The following JKAMP variants were observed in gnomAD, a reference collection of about 807,000 sequenced individuals.
The protein encoded by JKAMP is JNK1/MAPK8-associated membrane protein.
JKAMP carries 20 observed loss-of-function variants against 40.2 expected under a neutral mutation model. That is an observed-to-expected ratio of 0.50 (90% confidence interval 0.35 to 0.72). The LOEUF (loss-of-function observed/expected upper bound fraction) is 0.72, where lower values mean the gene tolerates loss of function less well. Ranked by LOEUF, JKAMP falls within the 30% of genes least tolerant of loss-of-function variation. JKAMP has a pLI of 0.01. For missense variants in JKAMP, 276 were observed against 373.0 expected (o/e 0.74, Z 2.14); for synonymous variants, 138 against 131.6 (o/e 1.05, Z -0.33).
intron 4 of JKAMP, among the ~76,000 whole-genome samples, chr14:59,498,484 A>T (rs12432401): frequency 0.14 from 21,210 of 152,166 alleles, 1,709 homozygotes; most frequent in South Asian, 0.26. Context: ...CTGAATCAAA[A>T]GGGATAAACA....
At position 59,503,923 on chromosome 14, in the gene JKAMP, T is replaced by A; in HGVS notation, c.787T>A (p.Tyr263Asn). 6.2e-7 allele frequency: 1 copy of A among 1,613,606 alleles called. No homozygotes were observed. The highest frequency in any genetic ancestry group is 8.5e-7 in the Non-Finnish European group (1 of 1,179,512). The stretch of plus-strand genomic sequence containing the variant: ...CTTCAGCCACTGGTTACTTCATGCC[T>A]ATGGAATAATCTCCATTTCCAGAGT... ...VLFSHWLLHA[Y>N]GIISISRVDK... The change falls in exon 7 of 7, where the codon TAT becomes AAT. Residue 263 changes from tyrosine to asparagine, a missense_variant. Tyr to Asn is a moderately radical substitution (Grantham distance 143). Coordinates refer to ENST00000616435, the MANE Select transcript of JKAMP (RefSeq NM_016475.5).
intron 1 of JKAMP, chr14:59,485,348 T>A (rs552748333): frequency 2.3e-6 from 1 of 428,456 alleles, no homozygotes; most frequent in Non-Finnish European, 4.0e-6. Flanking sequence ...ACAAAAAAAA[T>A]AAGCGCCCAT....
Position 59,486,561 on chromosome 14 carries a change from A to G in JKAMP, c.5-152A>G, listed in dbSNP as rs1017093175. On this transcript the variant is annotated intron_variant, in intron 1 of 6. Coordinates refer to ENST00000616435, the MANE Select transcript of JKAMP (RefSeq NM_016475.5). ...TGCAGTGTCACAGTGTAAAAGGAGA[A>G]ATGTAAATTTAAAAATGCTTCAAGA... The G allele has an allele frequency of 1.6e-5, 10 of 626,834 alleles. No homozygotes were observed. In the South Asian group the frequency reaches 1.9e-4, roughly 12 times the overall value. The allele number at this position is 626,834 out of a possible 1,614,324, so 38.8% of individuals were successfully genotyped here.
In JKAMP at chr14:59,484,559, G is replaced by C; in HGVS notation, c.-31G>C. ...TGCAGCTGCCAGATCCGCTGATCTAGTGCTTCTCGAAAAAAACCTTCAGGC... is the reference window on the plus strand; with the variant it reads ...TGCAGCTGCCAGATCCGCTGATCTACTGCTTCTCGAAAAAAACCTTCAGGC... On this transcript the variant is annotated 5_prime_UTR_variant, in exon 1 of 7. Transcript: ENST00000616435. 1.3e-6 allele frequency: 2 copies of C among 1,569,142 alleles called. No individual in the cohort carries two copies. Among genetic ancestry groups the C allele is most frequent in the Middle Eastern group, 1.7e-4 (1 of 6,004 alleles).
intron 4 of JKAMP, among the ~76,000 whole-genome samples, chr14:59,496,175 G>T (rs1891431560): frequency 6.6e-6 from 1 of 152,048 alleles, no homozygotes; most frequent in Non-Finnish European, 1.5e-5. Flanking sequence ...CAAAGTGATG[G>T]GATTACAGGC....
At chr14:59,495,723 A>G (rs1225844172) in intron 4 of JKAMP, among the ~76,000 whole-genome samples, 2 of 152,234 alleles carry the variant, frequency 1.3e-5, no homozygotes, top group African/African-American at 4.8e-5. Flanking sequence ...AAGGGAAAAT[A>G]GAAGTCTGGT....
In JKAMP at chr14:59,493,287, C is replaced by T. The variant is rs539174962; in HGVS notation, c.252-1731C>T. ...AGCCATATGGAAGAGAACCAAGGCA[C>T]ACCTGTTAACAGCCTTGGTTGTGCT... On this transcript the variant is annotated intron_variant, in intron 3 of 6. Coordinates refer to ENST00000616435, the MANE Select transcript of JKAMP (RefSeq NM_016475.5). Among the ~76,000 whole-genome samples, 7 of 152,318 alleles carry T rather than the reference C, an allele frequency of 4.6e-5. 1 individual carries two copies. Among genetic ancestry groups the T allele is most frequent in the Admixed American group, 1.3e-4 (2 of 15,300 alleles).
intron 4 of JKAMP, 22 bp from the exon 5 acceptor site, chr14:59,498,703 CAA>C: frequency 1.6e-6 from 2 of 1,245,690 alleles, no homozygotes; most frequent in Non-Finnish European, 2.2e-6. Flanking sequence ...TTTGATGTTA[CAA>C]ATTCTTTATT....
At chr14:59,487,957 T>TAA in intron 3 of JKAMP, 129 bp downstream of exon 3, 1 of 889,772 alleles carries the variant, frequency 1.1e-6, no homozygotes, top group East Asian at 2.4e-5. Flanking sequence ...TATCTTCAGA[T>TAA]TATTCTTAAC....
intron 3 of JKAMP, among the ~76,000 whole-genome samples, chr14:59,489,837 A>C (rs1163186947): frequency 1.3e-5 from 2 of 152,180 alleles, no homozygotes; most frequent in African/African-American, 4.8e-5. Context: ...GAGAGGAGGC[A>C]GGAGGCAAAG....
intron 4 of JKAMP, 77 bp downstream of exon 4, chr14:59,495,301 G>A: frequency 1.7e-6 from 2 of 1,167,130 alleles, no homozygotes; most frequent in Non-Finnish European, 2.5e-6. Context: ...ATGGCGTTTG[G>A]AGACAAAAAC....
Position 59,484,595 on chromosome 14 carries a change from T to C in JKAMP, c.4+2T>C. On this transcript the variant is annotated splice_donor_variant, in intron 1 of 6. Coordinates refer to ENST00000616435, the MANE Select transcript of JKAMP (RefSeq NM_016475.5). LOFTEE classifies it high-confidence loss of function. Reference sequence around the variant, plus strand: ...AAAAAACCTTCAGGCGGCCCATGGGTGAGTGGTCGCCAAGATCCCGGGAAG... The same window carrying C: ...AAAAAACCTTCAGGCGGCCCATGGGCGAGTGGTCGCCAAGATCCCGGGAAG... 1 of 1,578,700 alleles carries C rather than the reference T, an allele frequency of 6.3e-7. No individual in the cohort carries two copies. The highest frequency in any genetic ancestry group is 8.6e-7 in the Non-Finnish European group (1 of 1,162,616).
chr14:59,495,926 G>A (rs754834383), intron 4 of JKAMP, among the ~76,000 whole-genome samples: 2 of 152,180 alleles, frequency 1.3e-5, no homozygotes, highest in Non-Finnish European at 2.9e-5. Flanking sequence ...TTTTGAGACA[G>A]AGTCTCGTTC....
At chr14:59,499,553 T>G (rs1891718188) in intron 5 of JKAMP, among the ~76,000 whole-genome samples, 1 of 152,180 alleles carries the variant, frequency 6.6e-6, no homozygotes, top group Admixed American at 6.5e-5. Context: ...TAAGACAAAT[T>G]CACTGTTAAA....
In JKAMP at chr14:59,486,814, A is replaced by T. The variant is rs767057454; in HGVS notation, c.96+10A>T. On this transcript the variant is annotated intron_variant, in intron 2 of 6. Coordinates refer to ENST00000616435, the MANE Select transcript of JKAMP (RefSeq NM_016475.5). ...ATATGGAGAATGTGGGGTAAGTCTT[A>T]TGTTTGTATCTTATTTCATTTTGTA... 2.7e-6 allele frequency: 4 copies of T among 1,461,732 alleles called. No homozygotes were observed. The allele number at this position is 1,461,732 out of a possible 1,614,324, so 90.5% of individuals were successfully genotyped here.
chr14:59,488,330 C>T (rs1890736153), intron 3 of JKAMP, among the ~76,000 whole-genome samples: 1 of 151,984 alleles, frequency 6.6e-6, no homozygotes, highest in African/African-American at 2.4e-5. Context: ...TAGTCATAAT[C>T]TTGTGGAGAA....
Position 59,505,256 on chromosome 14 carries a change from T to A in JKAMP, c.*1184T>A. The A allele has an allele frequency of 1.3e-6, 2 of 1,498,834 alleles. No individual in the cohort carries two copies. Among genetic ancestry groups the A allele is most frequent in the Non-Finnish European group, 8.9e-7 (1 of 1,119,676 alleles). The allele number at this position is 1,498,834 out of a possible 1,614,324, so 92.8% of individuals were successfully genotyped here. On this transcript the variant is annotated 3_prime_UTR_variant, in exon 7 of 7. Transcript: ENST00000616435. ...TCCTTGAGTTACTTTGTTAATGTAT[T>A]TTTCTCAGTACATTTAACCACTGGG...
rs1892213269 is a variant in JKAMP at position 59,504,642 on chromosome 14, G to C, written c.*570G>C. 6.6e-6 allele frequency: 1 copy of C among 152,524 alleles called. No homozygotes were observed. The highest frequency in any genetic ancestry group is 2.4e-5 in the African/African-American group (1 of 41,370). 9.4% of individuals were successfully genotyped at this position (152,524 alleles called of 1,614,324 possible). On this transcript the variant is annotated 3_prime_UTR_variant, in exon 7 of 7. Coordinates refer to ENST00000616435, the MANE Select transcript of JKAMP (RefSeq NM_016475.5). The stretch of plus-strand genomic sequence containing the variant: ...ATAACAGGTTTTCTGTTTATAGATT[G>C]GTTCAAGATTTGTTTGGATTATTGT...
chr14:59,489,596 C>T (rs537942366), intron 3 of JKAMP, among the ~76,000 whole-genome samples: 38 of 152,384 alleles, frequency 2.5e-4, no homozygotes, highest in African/African-American at 9.1e-4. Context: ...TGGTACCCAG[C>T]TCCAAAGCTG....
Sources: allele counts gnomAD v4.1 joint callset (sites outside exome capture counted in the v4.1 genomes callset), GRCh38; gene constraint gnomAD v4.1.1; transcripts MANE v1.5; gene names NCBI Gene and HGNC (gene_info 2026-07-23, HGNC 2026-07-21).